DOCK8: variants seen among roughly 807,000 people sequenced by gnomAD.
DOCK8 encodes dedicator of cytokinesis protein 8.
In DOCK8, 141 loss-of-function variants were observed where a neutral mutation model predicts 245.6. The observed-to-expected ratio is 0.57, with a 90% CI of 0.50 to 0.66. The LOEUF (loss-of-function observed/expected upper bound fraction) is 0.66, where lower values mean the gene tolerates loss of function less well. Ranked by LOEUF, DOCK8 falls within the 30% of genes least tolerant of loss-of-function variation. The pLI is 0.00. For synonymous variants in DOCK8, 1,168 were observed against 970.2 expected, an observed-to-expected ratio of 1.20 and a Z score of -3.79; for missense variants, 2,965 against 2,603.4, an observed-to-expected ratio of 1.14 and a Z score of -3.02.
intron 33 of DOCK8, among the ~76,000 whole-genome samples, chr9:422,899 C>T (rs978336952): frequency 4.6e-5 from 7 of 151,226 alleles, no homozygotes; most frequent in African/African-American, 1.7e-4. Flanking sequence ...GAGGAAGAGT[C>T]GCTTGAACCC....
intron 39 of DOCK8, 42 bp downstream of exon 39, chr9:435,017 A>C: frequency 6.2e-7 from 1 of 1,605,574 alleles, no homozygotes; most frequent in Non-Finnish European, 8.5e-7. Context: ...GTGGTTCTCA[A>C]CTGGGGCGAT....
chr9:418,441 A>G (rs959402899), intron 30 of DOCK8, among the ~76,000 whole-genome samples: 2 of 151,666 alleles, frequency 1.3e-5, no homozygotes, highest in Non-Finnish European at 1.5e-5. Flanking sequence ...TTTTTTTTGT[A>G]TCTTTTAGTA....
intron 7 of DOCK8, 108 bp from the exon 8 acceptor site, chr9:325,563 T>G: frequency 1.1e-6 from 1 of 901,900 alleles, no homozygotes. Flanking sequence ...TCCAAATATT[T>G]CGGGAAACTG....
rs575910162 is a variant in DOCK8 at position 250,934 on chromosome 9, C to T, written c.54-20693C>T. Among the ~76,000 whole-genome samples, 25 of 152,204 alleles carry T rather than the reference C, an allele frequency of 1.6e-4. 1 individual carries two copies. Among genetic ancestry groups the T allele is most frequent in the Admixed American group, 5.9e-4 (9 of 15,288 alleles). On this transcript the variant is annotated intron_variant, in intron 1 of 47. Transcript: ENST00000432829. Reference sequence around the variant, plus strand: ...AGAGGGACTGAAGGAAGTAGAAACTCGAGCTCAGGGGAAGGGGAGAGAATG... The same window carrying T: ...AGAGGGACTGAAGGAAGTAGAAACTTGAGCTCAGGGGAAGGGGAGAGAATG...
At chr9:406,348 G>T (rs1449600257) in intron 27 of DOCK8, among the ~76,000 whole-genome samples, 2 of 152,018 alleles carry the variant, frequency 1.3e-5, no homozygotes, top group African/African-American at 4.8e-5. Flanking sequence ...AATGCATCAG[G>T]TGTGGTAGTG....
intron 2 of DOCK8, among the ~76,000 whole-genome samples, chr9:282,324 A>AT (rs1306817611): frequency 6.6e-6 from 1 of 151,832 alleles, no homozygotes; most frequent in Non-Finnish European, 1.5e-5. Context: ...TCTCTCCTGT[A>AT]GATAACAGGG....
At chr9:373,785 A>G (rs2053400793) in intron 18 of DOCK8, among the ~76,000 whole-genome samples, 1 of 152,202 alleles carries the variant, frequency 6.6e-6, no homozygotes, top group Non-Finnish European at 1.5e-5. Flanking sequence ...CATCAAAGCC[A>G]TCTAAGGGGC....
chr9:422,096 A>C lies in DOCK8; in HGVS notation c.4202A>C (p.Glu1401Ala). 5.0e-6 allele frequency: 8 copies of C among 1,614,148 alleles called. No homozygotes were observed. Among genetic ancestry groups the C allele is most frequent in the Non-Finnish European group, 5.9e-6 (7 of 1,180,036 alleles). The change falls in exon 33 of 48, where the codon GAG (glutamate) becomes GCG (alanine). Residue 1401 changes from glutamate (E) to alanine (A), a missense_variant. Glu to Ala is a moderately radical substitution (Grantham distance 107). Transcript: ENST00000432829. ...AATGAAAATTTGAGATGGAAGAAAGAGCAGACACATTGGCGGCAAGCTAAT... is the reference window on the plus strand; with the variant it reads ...AATGAAAATTTGAGATGGAAGAAAGCGCAGACACATTGGCGGCAAGCTAAT... ...GLNENLRWKK[E>A]QTHWRQANEK...
At chr9:453,243 G>A (rs1487556239) in intron 46 of DOCK8, among the ~76,000 whole-genome samples, 1 of 152,190 alleles carries the variant, frequency 6.6e-6, no homozygotes, top group East Asian at 1.9e-4. Flanking sequence ...GTGTGGCTTT[G>A]CGTGTTTGTA....
intron 38 of DOCK8, among the ~76,000 whole-genome samples, chr9:434,430 A>G (rs1463306778): frequency 1.3e-5 from 2 of 152,202 alleles, no homozygotes; most frequent in Non-Finnish European, 1.5e-5. Flanking sequence ...ATGCAACATC[A>G]TACAAAGGGC....
intron 1 of DOCK8, among the ~76,000 whole-genome samples, chr9:227,238 A>G (rs990539314): frequency 3.9e-5 from 6 of 152,236 alleles, no homozygotes; most frequent in African/African-American, 1.4e-4. Context: ...GATAAGGATG[A>G]TGCCAATGAG....
intron 43 of DOCK8, among the ~76,000 whole-genome samples, chr9:444,828 G>A (rs569461352): frequency 2.2e-4 from 34 of 152,198 alleles, no homozygotes; most frequent in Non-Finnish European, 4.3e-4. Flanking sequence ...ACCACAAGCT[G>A]ATGCTGCCCA....
intron 23 of DOCK8, among the ~76,000 whole-genome samples, chr9:387,676 C>A (rs2054012361): frequency 6.6e-6 from 1 of 152,004 alleles, no homozygotes; most frequent in Non-Finnish European, 1.5e-5. Context: ...GTGAGAGGTA[C>A]CAGGATTTAA....
rs371852141 is a variant in DOCK8, at chr9:368,064, C to G, written c.1726C>G (p.Leu576Val). The G allele has an allele frequency of 9.9e-6, 16 of 1,614,038 alleles. No individual in the cohort carries two copies. The East Asian group carries it at 3.6e-4, about 36-fold the overall frequency. Residue 576 changes from leucine to valine, a missense_variant, in exon 15 of 48, where the codon CTA becomes GTA. Physicochemically the swap from Leu to Val is conservative, Grantham distance 32. Coordinates refer to ENST00000432829, the MANE Select transcript of DOCK8 (RefSeq NM_203447.4). Reference sequence around the variant, plus strand: ...ACAGAGGCTGAACTTTGTAAACAAACTAGCATCAGCCCGGAACATTACAAT... The same window carrying G: ...ACAGAGGCTGAACTTTGTAAACAAAGTAGCATCAGCCCGGAACATTACAAT... ...YPQRLNFVNK[L>V]ASARNITIKI...
chr9:385,302 A>C (rs1000851771), intron 22 of DOCK8, among the ~76,000 whole-genome samples: 2 of 152,228 alleles, frequency 1.3e-5, no homozygotes, highest in Non-Finnish European at 2.9e-5. Flanking sequence ...GTAACATATC[A>C]ATGTTAGTTT....
At chr9:214,208 G>A (rs2046678879), upstream of DOCK8, 1 of 395,200 alleles carries the variant, frequency 2.5e-6, no homozygotes, top group East Asian at 6.0e-5. Flanking sequence ...CTTCTTAGCA[G>A]ACCTCAGTCT....
chr9:302,351 A>G (rs1054728290), intron 4 of DOCK8, among the ~76,000 whole-genome samples: 3 of 152,258 alleles, frequency 2.0e-5, no homozygotes, highest in Admixed American at 6.5e-5. Context: ...CATTAACTCA[A>G]GATGGATTAA....
At chr9:362,334 A>G (rs1390413441) in intron 14 of DOCK8, among the ~76,000 whole-genome samples, 1 of 152,208 alleles carries the variant, frequency 6.6e-6, no homozygotes, top group Non-Finnish European at 1.5e-5. Flanking sequence ...CCCTATTCCC[A>G]TGACCTATTT....
chr9:225,079 A>G (rs1345256810), intron 1 of DOCK8, among the ~76,000 whole-genome samples: 1 of 152,148 alleles, frequency 6.6e-6, no homozygotes, highest in Non-Finnish European at 1.5e-5. Context: ...TCAAATCAAC[A>G]AGATATTTTA....
Sources: gnomAD v4.1 joint callset for allele counts (sites outside exome capture counted in the v4.1 genomes callset) on GRCh38, gnomAD v4.1.1 for gene constraint, MANE v1.5 for transcripts, NCBI Gene and HGNC (gene_info 2026-07-23, HGNC 2026-07-21) for gene names.